The following PCDHA6 variants were observed in gnomAD, a reference collection of about 807,000 sequenced individuals.
The protein encoded by PCDHA6 is protocadherin alpha-6.
PCDHA6 carries 55 observed loss-of-function variants against 60.3 expected under a neutral mutation model. The observed-to-expected ratio is 0.91, with a 90% CI of 0.73 to 1.14. The LOEUF is 1.14. PCDHA6 is among the 50% of genes most tolerant of loss of function. PCDHA6 has a pLI of 0.00. For missense variants in PCDHA6, 1,327 were observed against 1,256.5 expected (o/e 1.06, Z -0.85); for synonymous variants, 652 against 557.9 (o/e 1.17, Z -2.38).
In PCDHA6 at chr5:140,835,510, A is replaced by C. The variant is rs145294768; in HGVS notation, c.2394+5025A>C. On this transcript the variant is annotated intron_variant, in intron 1 of 3. Transcript: ENST00000529310. Reference sequence around the variant, plus strand: ...GTCATCACATTGATTAGCGTGTTTGACCGAGATTTTGGAGTCAACGGACAG... The same window carrying C: ...GTCATCACATTGATTAGCGTGTTTGCCCGAGATTTTGGAGTCAACGGACAG... The C allele has an allele frequency of 3.4e-5, 55 of 1,613,788 alleles. 1 individual carries two copies. The highest frequency in any genetic ancestry group is 4.6e-5 in the Non-Finnish European group (54 of 1,179,878).
At chr5:140,890,226 G>C (rs1339541830) in intron 1 of PCDHA6, among the ~76,000 whole-genome samples, 7 of 152,100 alleles carry the variant, frequency 4.6e-5, no homozygotes, top group Admixed American at 4.6e-4. Context: ...AGACCTAGTT[G>C]TTAAGCATTT....
chr5:140,888,233 C>T (rs544193607), intron 1 of PCDHA6, among the ~76,000 whole-genome samples: 6 of 152,142 alleles, frequency 3.9e-5, no homozygotes, highest in South Asian at 4.1e-4. Flanking sequence ...CATGTGTGTG[C>T]GTGTTCCTTT....
At position 140,828,588 on chromosome 5, in the gene PCDHA6, C is replaced by A; in HGVS notation, c.497C>A (p.Ser166Tyr). ...GASDADVGSNSILTYKLSSSE... is the reference protein window; with the variant it reads ...GASDADVGSNYILTYKLSSSE... ...TCCGATGCAGATGTTGGCTCAAATT[C>A]CATCTTAACCTATAAACTCAGTTCT... Residue 166 changes from serine to tyrosine, a missense_variant, in exon 1 of 4, where the codon TCC becomes TAC. By Grantham distance (144) the Ser-to-Tyr change is moderately radical. Transcript: ENST00000529310. 1 of 1,614,210 alleles carries A rather than the reference C, an allele frequency of 6.2e-7. No homozygotes were observed. The highest frequency in any genetic ancestry group is 1.1e-5 in the South Asian group (1 of 91,086).
At chr5:140,991,183 A>G (rs3776108) in intron 3 of PCDHA6, among the ~76,000 whole-genome samples, 7,613 of 152,310 alleles carry the variant, frequency 0.05, 238 homozygotes, top group South Asian at 0.11. Flanking sequence ...CAGGATGCCT[A>G]GCACACAATG....
At chr5:140,893,141 C>A (rs1412974583) in intron 1 of PCDHA6, among the ~76,000 whole-genome samples, 1 of 152,192 alleles carries the variant, frequency 6.6e-6, no homozygotes, top group African/African-American at 2.4e-5. Flanking sequence ...TTTATCCACT[C>A]ATCTGTTGAT....
Position 140,831,077 on chromosome 5 carries a change from G to A in PCDHA6, c.2394+592G>A, listed in dbSNP as rs2150191421. The A allele has an allele frequency of 5.9e-5, 9 of 152,244 alleles. No individual in the cohort carries two copies. The South Asian group carries it at 8.3e-4, about 14-fold the overall frequency. The allele number at this position is 152,244 out of a possible 1,614,324, so 9.4% of individuals were successfully genotyped here. ...ATTGTCCCCCTTTTAAACCATTGAG[G>A]AATAAAGGACAAAAACAATAGTTAT... On this transcript the variant is annotated intron_variant, in intron 1 of 3. Coordinates refer to ENST00000529310, the MANE Select transcript of PCDHA6 (RefSeq NM_018909.4).
chr5:140,941,255 C>CTT (rs782490896), intron 1 of PCDHA6, among the ~76,000 whole-genome samples: 1,945 of 44,372 alleles, frequency 0.044, 20 homozygotes, highest in African/African-American at 0.075. Flanking sequence ...TTCTTTCTTT[C>CTT]TCTTTCTTTC....
intron 1 of PCDHA6, among the ~76,000 whole-genome samples, chr5:140,941,848 G>A (rs2093183003): frequency 6.6e-6 from 1 of 152,142 alleles, no homozygotes; most frequent in South Asian, 2.1e-4. Flanking sequence ...GCCATTACCT[G>A]ATATTCCCTA....
chr5:140,896,540 T>C (rs1372765271), intron 1 of PCDHA6, among the ~76,000 whole-genome samples: 1 of 151,560 alleles, frequency 6.6e-6, no homozygotes, highest in Non-Finnish European at 1.5e-5. Flanking sequence ...ATTTTTCTTT[T>C]TTTTTTTTGT....
rs1562773759 is a variant in PCDHA6 at position 140,882,388 on chromosome 5, A to G, written c.2394+51903A>G. 2.5e-6 allele frequency: 4 copies of G among 1,614,158 alleles called. No individual in the cohort carries two copies. The African/African-American group carries it at 4.0e-5, about 16-fold the overall frequency. Reference sequence around the variant, plus strand: ...ACTACTCCGTCCCCGAGGAAGCAAAACACGGCACCTTCGTGGGCCGCATCG... The same window carrying G: ...ACTACTCCGTCCCCGAGGAAGCAAAGCACGGCACCTTCGTGGGCCGCATCG... On this transcript the variant is annotated intron_variant, in intron 1 of 3. Transcript: ENST00000529310.
intron 3 of PCDHA6, among the ~76,000 whole-genome samples, chr5:140,986,316 C>T (rs1407067646): frequency 2.0e-5 from 3 of 152,146 alleles, no homozygotes; most frequent in African/African-American, 7.2e-5. Context: ...TTAGCTAAAT[C>T]AGGAATGCAG....
At position 140,854,099 on chromosome 5, in the gene PCDHA6, C is replaced by T. The variant is rs139574544; in HGVS notation, c.2394+23614C>T. 48 of 268,552 alleles carry T rather than the reference C, an allele frequency of 1.8e-4. 2 individuals are homozygous for T. Among genetic ancestry groups the T allele is most frequent in the African/African-American group, 8.8e-4 (36 of 40,902 alleles). 16.6% of individuals were successfully genotyped at this position (268,552 alleles called of 1,614,324 possible). The stretch of plus-strand genomic sequence containing the variant: ...ATCGCTTGAGCCTGGGACATTGAGG[C>T]TGCAGTGAACTGTGATGGCACAACT... On this transcript the variant is annotated intron_variant, in intron 1 of 3. Transcript: ENST00000529310.
At chr5:140,893,088 T>C (rs1340937679) in intron 1 of PCDHA6, among the ~76,000 whole-genome samples, 2 of 152,372 alleles carry the variant, frequency 1.3e-5, no homozygotes, top group African/African-American at 4.8e-5. Flanking sequence ...CATTCTTTTT[T>C]ATGGCTGGAT....
intron 1 of PCDHA6, among the ~76,000 whole-genome samples, chr5:140,940,230 TA>T (rs2153645241): frequency 6.6e-6 from 1 of 152,330 alleles, no homozygotes; most frequent in Non-Finnish European, 1.5e-5. Flanking sequence ...TTCATTTTGG[TA>T]CATTAAAGTT....
Position 140,920,446 on chromosome 5 carries a change from A to G in PCDHA6, c.2395-58503A>G, listed in dbSNP as rs2079636964. 2.6e-5 allele frequency among the ~76,000 whole-genome samples: 4 copies of G among 152,114 alleles called. No homozygotes were observed. In the South Asian group the frequency reaches 8.3e-4, roughly 31 times the overall value. On this transcript the variant is annotated intron_variant, in intron 1 of 3. Coordinates refer to ENST00000529310, the MANE Select transcript of PCDHA6 (RefSeq NM_018909.4). ...CTCCCACACACCTCTTTTATACTGT[A>G]ATTGACAAATTTGTTATATTTCTGT...
intron 1 of PCDHA6, among the ~76,000 whole-genome samples, chr5:140,893,580 G>C (rs555518122): frequency 1.5e-4 from 23 of 152,268 alleles, no homozygotes; most frequent in East Asian, 1.2e-3. Flanking sequence ...GTTTTTGCTT[G>C]TTTGGGAAAT....
chr5:140,872,662 A>G (rs1554166315), intron 1 of PCDHA6, among the ~76,000 whole-genome samples: 2 of 152,132 alleles, frequency 1.3e-5, no homozygotes, highest in Admixed American at 1.3e-4. Context: ...TTTGTCAACT[A>G]TTGGATACTC....
rs1487503403 is a variant in PCDHA6 at position 140,941,191 on chromosome 5, T to TTTCTTTC, written c.2395-37756_2395-37755insCTTTCTT. Among the ~76,000 whole-genome samples, 158 of 93,240 alleles carry TTTCTTTC rather than the reference T, an allele frequency of 1.7e-3. 2 individuals carry two copies. Among genetic ancestry groups the TTTCTTTC allele is most frequent in the South Asian group, 0.011 (38 of 3,542 alleles). 61.2% of individuals were successfully genotyped at this position (93,240 alleles called of 152,430 possible). A position where few individuals can be genotyped will look rare whatever the true frequency, so the allele number is the denominator to read the frequency against. ...CATCTTGAACATCCTGCTTCTTTTT[T>TTTCTTTC]TTTCTTTCTTCCTTTCTTTCTTCCT... On this transcript the variant is annotated intron_variant, in intron 1 of 3. Transcript: ENST00000529310.
In PCDHA6 at chr5:140,960,243, G is replaced by A. The variant is rs531821446; in HGVS notation, c.2395-18706G>A. On this transcript the variant is annotated intron_variant, in intron 1 of 3. Coordinates refer to ENST00000529310, the MANE Select transcript of PCDHA6 (RefSeq NM_018909.4). The stretch of plus-strand genomic sequence containing the variant: ...AGAAACAGAGCCATGGTAAAAAGAA[G>A]CTTCCTGGAGCTTCTGATAAATTCC... 3.9e-5 allele frequency among the ~76,000 whole-genome samples: 6 copies of A among 152,270 alleles called. No individual in the cohort carries two copies. The East Asian group carries it at 1.2e-3, about 29-fold the overall frequency.
Sources: allele counts gnomAD v4.1 joint callset (sites outside exome capture counted in the v4.1 genomes callset), GRCh38; gene constraint gnomAD v4.1.1; transcripts MANE v1.5; gene names NCBI Gene and HGNC (gene_info 2026-07-23, HGNC 2026-07-21).